The following SGIP1 variants were observed in gnomAD, a reference collection of about 807,000 sequenced individuals.
The protein encoded by SGIP1 is SH3GL interacting endocytic adaptor 1, also known as SH3-containing GRB2-like protein 3-interacting protein 1.
SGIP1 carries 38 observed loss-of-function variants against 107.5 expected under a neutral mutation model. The ratio of observed to expected loss-of-function variants is 0.35; its 90% confidence interval spans 0.27 to 0.46. SGIP1 has a LOEUF of 0.46. Ranked by LOEUF, SGIP1 falls within the 20% of genes least tolerant of loss-of-function variation. SGIP1 has a pLI of 1.00. For synonymous variants in SGIP1, 365 were observed against 366.1 expected (o/e 1.00, Z 0.03); for missense variants, 929 against 1,019.5 (o/e 0.91, Z 1.21).
At chr1:66,631,069 AAGAAAGAAAG>A (rs2074501370) in intron 2 of SGIP1, among the ~76,000 whole-genome samples, 1 of 139,580 alleles carries the variant, frequency 7.2e-6, no homozygotes. Context: ...GAAAGAAAGA[AAGAAAGAAAG>A]AAAGAAAGAA....
chr1:66,542,169 T>C (rs899626870), intron 1 of SGIP1, among the ~76,000 whole-genome samples: 1 of 152,004 alleles, frequency 6.6e-6, no homozygotes, highest in Non-Finnish European at 1.5e-5. Flanking sequence ...TTCATAGATA[T>C]CAATCAGTAG....
chr1:66,688,973 A>G (rs1239196075), intron 15 of SGIP1, among the ~76,000 whole-genome samples, 175 bp from the exon 16 acceptor site: 1 of 151,754 alleles, frequency 6.6e-6, no homozygotes, highest in Non-Finnish European at 1.5e-5. Flanking sequence ...TGAAATCATT[A>G]ATTTTTTTTC....
chr1:66,578,177 T>G (rs2061339380), intron 1 of SGIP1, among the ~76,000 whole-genome samples: 1 of 152,198 alleles, frequency 6.6e-6, no homozygotes, highest in South Asian at 2.1e-4. Context: ...TTCCCCAGTC[T>G]TGTCTATCAC....
At chr1:66,555,632 C>T (rs1337939201) in intron 1 of SGIP1, among the ~76,000 whole-genome samples, 1 of 152,106 alleles carries the variant, frequency 6.6e-6, no homozygotes, top group Non-Finnish European at 1.5e-5. Context: ...CCAATGGCAT[C>T]GATTTAGCAG....
intron 1 of SGIP1, among the ~76,000 whole-genome samples, chr1:66,559,219 C>T (rs2058600350): frequency 6.6e-6 from 1 of 152,022 alleles, no homozygotes; most frequent in African/African-American, 2.4e-5. Flanking sequence ...GTTTGTGATT[C>T]TGCATTTCTA....
intron 7 of SGIP1, among the ~76,000 whole-genome samples, chr1:66,649,528 G>T (rs1161815706): frequency 6.6e-6 from 1 of 152,126 alleles, no homozygotes; most frequent in East Asian, 1.9e-4. Flanking sequence ...CTCCCTAAAG[G>T]AGGAGATAGA....
rs74085079 is a variant in SGIP1 at position 66,742,943 on chromosome 1, G to A, written c.2465-130G>A. ...TGGAAACTTTATGTATCTTTTATTC[G>A]TATTGTACCTCTGAAGTATGCAGTA... On this transcript the variant is annotated intron_variant, in intron 24 of 24. Coordinates refer to ENST00000371037, the MANE Select transcript of SGIP1 (RefSeq NM_032291.4). The A allele has an allele frequency of 1.1e-3, 914 of 841,374 alleles. 4 individuals are homozygous for A. The highest frequency in any genetic ancestry group is 0.011 in the African/African-American group (622 of 58,084). 52.1% of individuals were successfully genotyped at this position (841,374 alleles called of 1,614,324 possible).
At position 66,578,985 on chromosome 1, in the gene SGIP1, A is replaced by C. The variant is rs564466118; in HGVS notation, c.10+44617A>C. Among the ~76,000 whole-genome samples the C allele has an allele frequency of 1.2e-4, 18 of 152,236 alleles. No homozygotes were observed. The East Asian group carries it at 3.5e-3, about 29-fold the overall frequency. ...CAAATATCTACAACAGCAAGTCGAGAGAATTAGGGGGTATATCTACAAGTC... is the reference window on the plus strand; with the variant it reads ...CAAATATCTACAACAGCAAGTCGAGCGAATTAGGGGGTATATCTACAAGTC... On this transcript the variant is annotated intron_variant, in intron 1 of 24. Coordinates refer to ENST00000371037, the MANE Select transcript of SGIP1 (RefSeq NM_032291.4).
At chr1:66,653,201 T>G (rs1034991243) in intron 7 of SGIP1, among the ~76,000 whole-genome samples, 2 of 152,186 alleles carry the variant, frequency 1.3e-5, no homozygotes, top group Non-Finnish European at 2.9e-5. Flanking sequence ...GAAATTTTCT[T>G]TTTCAAAATA....
At chr1:66,564,509 C>A (rs2059390848) in intron 1 of SGIP1, among the ~76,000 whole-genome samples, 1 of 151,858 alleles carries the variant, frequency 6.6e-6, no homozygotes, top group South Asian at 2.1e-4. Flanking sequence ...ACAAGCAAAG[C>A]AGGCGTGGAA....
At chr1:66,702,204 A>T (rs2091994733) in intron 18 of SGIP1, among the ~76,000 whole-genome samples, 1 of 152,232 alleles carries the variant, frequency 6.6e-6, no homozygotes, top group Non-Finnish European at 1.5e-5. Flanking sequence ...CTGAGCATTT[A>T]GGTAACTTTT....
At chr1:66,619,060 T>A (rs1442059027) in intron 1 of SGIP1, among the ~76,000 whole-genome samples, 4 of 152,178 alleles carry the variant, frequency 2.6e-5, no homozygotes, top group African/African-American at 9.7e-5. Context: ...GTTCTACATA[T>A]TGATCCTAAA....
chr1:66,695,271 A>AAAAAAAAAAAAAAT (rs34260051), intron 17 of SGIP1, 163 bp from the exon 18 acceptor site: 4 of 1,325,872 alleles, frequency 3.0e-6, no homozygotes, highest in East Asian at 2.9e-5. Flanking sequence ...AAAAAAAAAA[A>AAAAAAAAAAAAAAT]GTGTAGATTG....
At chr1:66,601,858 C>T (rs886769232) in intron 1 of SGIP1, among the ~76,000 whole-genome samples, 8 of 152,216 alleles carry the variant, frequency 5.3e-5, no homozygotes, top group South Asian at 2.1e-4. Context: ...TGAGTTGTTG[C>T]CTGCAGTTTG....
At chr1:66,668,292 G>A (rs572196771) in intron 9 of SGIP1, among the ~76,000 whole-genome samples, 3 of 152,224 alleles carry the variant, frequency 2.0e-5, no homozygotes, top group African/African-American at 7.2e-5. Context: ...TCGAGTTCAA[G>A]CAATTCTCCT....
chr1:66,711,195 T>C (rs968838788), intron 18 of SGIP1, among the ~76,000 whole-genome samples: 1 of 152,192 alleles, frequency 6.6e-6, no homozygotes, highest in African/African-American at 2.4e-5. Context: ...AATTTTAGTA[T>C]CCATTTAAAG....
rs1435374718 is a variant in SGIP1, at chr1:66,635,970, C to A, written c.126C>A (p.Tyr42Ter). 1.9e-6 allele frequency: 3 copies of A among 1,613,826 alleles called. No homozygotes were observed. Among genetic ancestry groups the A allele is most frequent in the Non-Finnish European group, 2.5e-6 (3 of 1,179,870 alleles). Reference sequence around the variant, plus strand: ...AGCCCAGCCCACACGAACCACCCTACAATAGCAAAGCAGAGTGTGCGCGTG... The same window carrying A: ...AGCCCAGCCCACACGAACCACCCTAAAATAGCAAAGCAGAGTGTGCGCGTG... ...GIQPSPHEPP[Y>*]NSKAECAREG... The change falls in exon 4 of 25, where the codon TAC becomes TAA. Residue 42 changes from tyrosine (Y) to a stop codon, truncating the protein, a stop_gained. Coordinates refer to ENST00000371037, the MANE Select transcript of SGIP1 (RefSeq NM_032291.4). LOFTEE classifies it high-confidence loss of function.
At chr1:66,635,304 G>T (rs1236633148) in intron 3 of SGIP1, among the ~76,000 whole-genome samples, 1 of 152,226 alleles carries the variant, frequency 6.6e-6, no homozygotes, top group East Asian at 1.9e-4. Flanking sequence ...CTGTCATGGT[G>T]TCCGAGTGTG....
intron 1 of SGIP1, among the ~76,000 whole-genome samples, chr1:66,580,641 C>T (rs2148731174): frequency 6.6e-6 from 1 of 152,124 alleles, no homozygotes; most frequent in African/African-American, 2.4e-5. Flanking sequence ...TTAATAACAT[C>T]CAATATAGCA....
Sources: allele counts gnomAD v4.1 joint callset (sites outside exome capture counted in the v4.1 genomes callset), GRCh38; gene constraint gnomAD v4.1.1; transcripts MANE v1.5; gene names NCBI Gene and HGNC (gene_info 2026-07-23, HGNC 2026-07-21).